GALC: variants seen among roughly 807,000 people sequenced by gnomAD.
GALC encodes galactocerebrosidase.
In GALC, 77 loss-of-function variants were observed where a neutral mutation model predicts 91.8. The observed-to-expected ratio is 0.84, with a 90% CI of 0.70 to 1.01. The LOEUF (loss-of-function observed/expected upper bound fraction) is 1.01. GALC is among the 50% of genes least tolerant of loss of function. The pLI is 0.00. For synonymous variants in GALC, 357 were observed against 306.7 expected (o/e 1.16, Z -1.71); for missense variants, 882 against 855.9 (o/e 1.03, Z -0.38).
intron 10 of GALC, among the ~76,000 whole-genome samples, chr14:87,951,791 G>A (rs1849981032): frequency 6.6e-6 from 1 of 151,884 alleles, no homozygotes; most frequent in African/African-American, 2.4e-5. Flanking sequence ...TTATGAAAAT[G>A]AAAACACAAC....
intron 6 of GALC, 68 bp downstream of exon 6, chr14:87,982,135 CTG>C (rs1265319373): frequency 3.4e-5 from 27 of 794,282 alleles, no homozygotes; most frequent in Non-Finnish European, 5.2e-5. Context: ...CTACTATTTT[CTG>C]TGTTAGGAAC....
chr14:87,983,961 C>A (rs951169248), intron 5 of GALC, among the ~76,000 whole-genome samples: 3 of 151,958 alleles, frequency 2.0e-5, no homozygotes, highest in Non-Finnish European at 2.9e-5. Flanking sequence ...GCCCACAAAC[C>A]CAAAACTATT....
Position 87,950,762 on chromosome 14 carries a change from A to C in GALC, c.1162-14T>G, listed in dbSNP as rs921054145. 1 of 1,519,946 alleles carries C rather than the reference A, an allele frequency of 6.6e-7. No homozygotes were observed. The highest frequency in any genetic ancestry group is 1.1e-5 in the South Asian group (1 of 88,288). 94.2% of individuals were successfully genotyped at this position (1,519,946 alleles called of 1,614,324 possible). ...ATGTTTATGACTCTGAAAAAAAAAAATCACATACATTATCCAAATGATGTA... is the reference window on the plus strand; with the variant it reads ...ATGTTTATGACTCTGAAAAAAAAAACTCACATACATTATCCAAATGATGTA... On this transcript the variant is annotated splice_polypyrimidine_tract_variant and intron_variant, in intron 10 of 16. Coordinates refer to ENST00000261304, the MANE Select transcript of GALC (RefSeq NM_000153.4).
chr14:87,961,876 C>G (rs1030523652), intron 10 of GALC, among the ~76,000 whole-genome samples: 12 of 152,180 alleles, frequency 7.9e-5, no homozygotes, highest in African/African-American at 2.9e-4. Flanking sequence ...AACAAACAAA[C>G]AAACAAACAA....
At chr14:87,955,478 C>T (rs1195269656) in intron 10 of GALC, among the ~76,000 whole-genome samples, 1 of 152,028 alleles carries the variant, frequency 6.6e-6, no homozygotes, top group Non-Finnish European at 1.5e-5. Context: ...CATTTGTTCA[C>T]TGTATTTAGT....
At chr14:87,993,220 T>C (rs1887313899), upstream of GALC, 5 of 1,549,118 alleles carry the variant, frequency 3.2e-6, no homozygotes, top group Non-Finnish European at 4.4e-6. Flanking sequence ...GCCGCCACGA[T>C]AGATACGGGC....
chr14:87,960,452 AT>A (rs1370417007), intron 10 of GALC, among the ~76,000 whole-genome samples: 1 of 152,254 alleles, frequency 6.6e-6, no homozygotes, highest in African/African-American at 2.4e-5. Context: ...TCATGAGGTG[AT>A]GGGCATACCC....
At chr14:87,982,470 T>C in intron 5 of GALC, among the ~76,000 whole-genome samples, 1 of 152,162 alleles carries the variant, frequency 6.6e-6, no homozygotes, top group East Asian at 1.9e-4. Flanking sequence ...TAGTGGGTAT[T>C]TTTCAAAAAG....
chr14:87,976,605 TTTTGTTTG>T (rs146880216), intron 6 of GALC, 117 bp from the exon 7 acceptor site: 8 of 829,220 alleles, frequency 9.6e-6, no homozygotes, highest in Non-Finnish European at 1.6e-5. Context: ...TAATAGCTTC[TTTTGTTTG>T]TTTGTTTGTT....
chr14:87,961,594 A>T (rs1369853406), intron 10 of GALC, among the ~76,000 whole-genome samples: 4 of 152,200 alleles, frequency 2.6e-5, no homozygotes. Flanking sequence ...AAATAATTTG[A>T]GAAAAATGTA....
At position 87,941,516 on chromosome 14, in the gene GALC, A is replaced by G; in HGVS notation, c.1713T>C (p.Pro571=). Reference sequence around the variant, plus strand: ...CTGCAATGAACACACCTCCTGTGTCAGGGGTCTCTATGTATACATCACACT... The same window carrying G: ...CTGCAATGAACACACCTCCTGTGTCGGGGGTCTCTATGTATACATCACACT... ...TIKCDVYIET[P]DTGGVFIAGR... is the part of the protein sequence containing the mutation. Residue 571 remains proline, a synonymous_variant, in exon 15 of 17, where the codon CCT becomes CCC. Transcript: ENST00000261304. 3 of 1,593,962 alleles carry G rather than the reference A, an allele frequency of 1.9e-6. No homozygotes were observed. The highest frequency in any genetic ancestry group is 2.6e-6 in the Non-Finnish European group (3 of 1,162,078).
chr14:87,942,644 G>T (rs1884909508), intron 14 of GALC, among the ~76,000 whole-genome samples: 1 of 151,956 alleles, frequency 6.6e-6, no homozygotes, highest in Non-Finnish European at 1.5e-5. Context: ...TTCTGGAAAT[G>T]GGCTGGGGGG....
In GALC at chr14:87,965,399, C is replaced by T. The variant is rs1042929588; in HGVS notation, c.1033+106G>A. On this transcript the variant is annotated intron_variant, in intron 9 of 16. Coordinates refer to ENST00000261304, the MANE Select transcript of GALC (RefSeq NM_000153.4). ...ATCTTGCTTAAAACTTAAATCTATA[C>T]TTAAAACACGCATAGACACACAGTT... The T allele has an allele frequency of 8.6e-6, 11 of 1,279,718 alleles. No individual in the cohort carries two copies. In the African/African-American group the frequency reaches 1.6e-4, roughly 19 times the overall value. 79.3% of individuals were successfully genotyped at this position (1,279,718 alleles called of 1,614,324 possible). A position where few individuals can be genotyped will look rare whatever the true frequency, so the allele number is the denominator to read the frequency against.
At chr14:87,975,020 A>G (rs1886438262) in intron 7 of GALC, among the ~76,000 whole-genome samples, 1 of 152,152 alleles carries the variant, frequency 6.6e-6, no homozygotes, top group Non-Finnish European at 1.5e-5. Context: ...TCAACTATTT[A>G]TGAAAGCTTT....
intron 6 of GALC, among the ~76,000 whole-genome samples, chr14:87,977,711 T>G (rs1886560878): frequency 6.6e-6 from 1 of 152,146 alleles, no homozygotes; most frequent in Non-Finnish European, 1.5e-5. Flanking sequence ...TTTCACAAGC[T>G]CTCTCTTCAC....
At chr14:87,947,610 G>A in intron 13 of GALC, 118 bp downstream of exon 13, 1 of 930,766 alleles carries the variant, frequency 1.1e-6, no homozygotes. Flanking sequence ...TGAGATGTAG[G>A]AGGTAAATGA....
At chr14:87,949,286 C>T (rs1176519540) in intron 12 of GALC, among the ~76,000 whole-genome samples, 1 of 152,002 alleles carries the variant, frequency 6.6e-6, no homozygotes, top group East Asian at 1.9e-4. Flanking sequence ...GGACACATCT[C>T]TAGGAAGAAG....
intron 1 of GALC, among the ~76,000 whole-genome samples, chr14:87,991,993 G>T (rs545825428): frequency 4.6e-5 from 7 of 152,144 alleles, no homozygotes; most frequent in African/African-American, 1.7e-4. Context: ...CGGCCCACAG[G>T]TTTCCCCTGA....
chr14:87,936,020 A>G (rs1470535987), intron 16 of GALC, among the ~76,000 whole-genome samples: 1 of 151,948 alleles, frequency 6.6e-6, no homozygotes, highest in East Asian at 1.9e-4. Flanking sequence ...GACTCAAATC[A>G]CAGATCACAT....
Sources: gnomAD v4.1 joint callset for allele counts (sites outside exome capture counted in the v4.1 genomes callset) on GRCh38, gnomAD v4.1.1 for gene constraint, MANE v1.5 for transcripts, NCBI Gene and HGNC (gene_info 2026-07-23, HGNC 2026-07-21) for gene names.